The following ARHGAP15 variants were observed in gnomAD, a reference collection of about 807,000 sequenced individuals.
ARHGAP15 encodes Rho GTPase activating protein 15.
ARHGAP15 carries 51 observed loss-of-function variants against 63.7 expected under a neutral mutation model. The ratio of observed to expected loss-of-function variants is 0.80; its 90% CI spans 0.64 to 1.01. ARHGAP15 has a LOEUF of 1.01. Among genes scored for constraint, ARHGAP15 ranks in the 50% least tolerant of loss-of-function variants. The pLI is 0.00. For missense variants in ARHGAP15, 560 were observed against 564.6 expected, an observed-to-expected ratio of 0.99 and a Z score of 0.08; for synonymous variants, 191 against 193.8, an observed-to-expected ratio of 0.99 and a Z score of 0.12.
intron 13 of ARHGAP15, among the ~76,000 whole-genome samples, chr2:143,705,653 T>C (rs1462351226): frequency 6.6e-6 from 1 of 152,172 alleles, no homozygotes; most frequent in Non-Finnish European, 1.5e-5. Flanking sequence ...AATGGAAAAG[T>C]ATACCCTTTA....
At chr2:143,674,894 G>A (rs1033487350) in intron 12 of ARHGAP15, among the ~76,000 whole-genome samples, 1 of 152,062 alleles carries the variant, frequency 6.6e-6, no homozygotes, top group African/African-American at 2.4e-5. Flanking sequence ...GTTGCTGAAG[G>A]TTGGGGTAAT....
chr2:143,493,483 A>G (rs1197355272), intron 9 of ARHGAP15, among the ~76,000 whole-genome samples: 1 of 152,180 alleles, frequency 6.6e-6, no homozygotes, highest in African/African-American at 2.4e-5. Context: ...TTTGCTTATA[A>G]TCACGCTTTT....
chr2:143,327,200 C>A (rs1354117480), intron 6 of ARHGAP15, among the ~76,000 whole-genome samples: 2 of 152,176 alleles, frequency 1.3e-5, no homozygotes, highest in African/African-American at 4.8e-5. Flanking sequence ...ATACCACTTA[C>A]AATGGATATG....
intron 5 of ARHGAP15, among the ~76,000 whole-genome samples, chr2:143,235,531 T>C (rs898776859): frequency 2.0e-5 from 3 of 152,154 alleles, no homozygotes; most frequent in African/African-American, 7.2e-5. Context: ...TAATAAGTAG[T>C]GTTAGCGTTC....
At chr2:143,440,605 T>A (rs1406603011) in intron 8 of ARHGAP15, among the ~76,000 whole-genome samples, 1 of 152,224 alleles carries the variant, frequency 6.6e-6, no homozygotes, top group Non-Finnish European at 1.5e-5. Flanking sequence ...GGGAAAAATA[T>A]GTTCTCTCAA....
At chr2:143,252,881 C>A (rs572662669) in intron 6 of ARHGAP15, among the ~76,000 whole-genome samples, 1 of 151,902 alleles carries the variant, frequency 6.6e-6, no homozygotes, top group Non-Finnish European at 1.5e-5. Flanking sequence ...ATTAGCTGGT[C>A]GAACTCTCAA....
At chr2:143,360,182 C>G (rs929612977) in intron 6 of ARHGAP15, among the ~76,000 whole-genome samples, 1 of 150,782 alleles carries the variant, frequency 6.6e-6, no homozygotes, top group Admixed American at 6.6e-5. Flanking sequence ...AGTTAGGAAC[C>G]AGCCTGATCA....
intron 6 of ARHGAP15, among the ~76,000 whole-genome samples, chr2:143,261,217 C>T (rs547858727): frequency 6.6e-6 from 1 of 151,756 alleles, no homozygotes; most frequent in African/African-American, 2.4e-5. Context: ...CACCTTAAAT[C>T]CTTTACTATG....
At chr2:143,524,258 C>T (rs192655324) in intron 10 of ARHGAP15, among the ~76,000 whole-genome samples, 1 of 152,200 alleles carries the variant, frequency 6.6e-6, no homozygotes, top group Admixed American at 6.5e-5. Context: ...TTATAGGTTC[C>T]GATGTCTGTT....
chr2:143,570,318 A>G (rs1197420149), intron 11 of ARHGAP15, among the ~76,000 whole-genome samples: 1 of 152,196 alleles, frequency 6.6e-6, no homozygotes, highest in Non-Finnish European at 1.5e-5. Context: ...TCCTCATTTT[A>G]AATCCTATGT....
chr2:143,131,616 T>G (rs1424440798), intron 1 of ARHGAP15, among the ~76,000 whole-genome samples: 1 of 152,208 alleles, frequency 6.6e-6, no homozygotes, highest in Non-Finnish European at 1.5e-5. Context: ...TCCATTCAAC[T>G]GAACTTTTAA....
At position 143,422,665 on chromosome 2, in the gene ARHGAP15, G is replaced by A. The variant is rs77017701; in HGVS notation, c.475-12936G>A. 3.9e-3 allele frequency among the ~76,000 whole-genome samples: 594 copies of A among 152,186 alleles called. 6 individuals carry two copies. The highest frequency in any genetic ancestry group is 0.014 in the African/African-American group (566 of 41,522). On this transcript the variant is annotated intron_variant, in intron 6 of 13. Coordinates refer to ENST00000295095, the MANE Select transcript of ARHGAP15 (RefSeq NM_018460.4). ...ACTATGGTGCCTTGAACGCAAGTAT[G>A]GATTATTTCTTGATTACATGTGTAA... is the stretch of plus-strand genomic sequence containing the variant.
chr2:143,566,910 C>T (rs1404063668), intron 11 of ARHGAP15, among the ~76,000 whole-genome samples: 1 of 150,184 alleles, frequency 6.7e-6, no homozygotes, highest in Non-Finnish European at 1.5e-5. Context: ...TTTTTTGAGA[C>T]AGAGTCTCGC....
chr2:143,726,216 T>C (rs546429262), intron 13 of ARHGAP15, among the ~76,000 whole-genome samples: 10 of 152,142 alleles, frequency 6.6e-5, no homozygotes, highest in Non-Finnish European at 1.2e-4. Context: ...TTGGAAAAAT[T>C]AAGAACAAGT....
At chr2:143,519,076 G>A (rs369020989) in intron 9 of ARHGAP15, 190 bp from the exon 10 acceptor site, 12 of 429,738 alleles carry the variant, frequency 2.8e-5, no homozygotes, top group African/African-American at 1.6e-4. Context: ...ACTCTGGGGC[G>A]AGGGTCCTGT....
At chr2:143,247,601 C>T (rs951427843) in intron 5 of ARHGAP15, among the ~76,000 whole-genome samples, 1 of 152,120 alleles carries the variant, frequency 6.6e-6, no homozygotes, top group Non-Finnish European at 1.5e-5. Context: ...TCCTTTAGCT[C>T]TATAGCATAT....
intron 12 of ARHGAP15, among the ~76,000 whole-genome samples, chr2:143,641,579 C>A (rs1456880861): frequency 6.6e-6 from 1 of 152,032 alleles, no homozygotes; most frequent in Non-Finnish European, 1.5e-5. Context: ...TGGTGGAAAC[C>A]TGCAAGGAAG....
At chr2:143,393,051 A>G (rs552565526) in intron 6 of ARHGAP15, among the ~76,000 whole-genome samples, 117 of 152,254 alleles carry the variant, frequency 7.7e-4, no homozygotes, top group Admixed American at 3.9e-3. Context: ...TTTATAAAAT[A>G]CATTGTTTAC....
chr2:143,280,699 A>G (rs528157861), intron 6 of ARHGAP15, among the ~76,000 whole-genome samples: 1 of 152,290 alleles, frequency 6.6e-6, no homozygotes, highest in South Asian at 2.1e-4. Context: ...ATTCACAGCC[A>G]AGAGGAGTGC....
Sources: allele counts gnomAD v4.1 joint callset (sites outside exome capture counted in the v4.1 genomes callset), GRCh38; gene constraint gnomAD v4.1.1; transcripts MANE v1.5; gene names NCBI Gene and HGNC (gene_info 2026-07-23, HGNC 2026-07-21).